COMMD10: variants seen among roughly 807,000 people sequenced by gnomAD.
COMMD10 encodes COMM domain containing 10.
COMMD10 carries 33 observed loss-of-function variants against 28.9 expected under a neutral mutation model. The ratio of observed to expected loss-of-function variants is 1.14; its 90% CI spans 0.87 to 1.53. COMMD10 has a LOEUF of 1.53. Ranked by LOEUF, COMMD10 falls within the 40% of genes most tolerant of loss-of-function variation. The probability of loss-of-function intolerance (pLI) is 0.00; values close to 1 mark genes in which losing one functional copy is unlikely to be tolerated. For synonymous variants in COMMD10, 110 were observed against 81.7 expected, an observed-to-expected ratio of 1.35 and a Z score of -1.87; for missense variants, 310 against 233.4, an observed-to-expected ratio of 1.33 and a Z score of -2.14.
At chr5:116,163,404 G>T (rs1309321138) in intron 5 of COMMD10, among the ~76,000 whole-genome samples, 1 of 135,314 alleles carries the variant, frequency 7.4e-6, no homozygotes, top group East Asian at 2.1e-4. Context: ...GGCCAACATG[G>T]TGAAACCCCA....
intron 5 of COMMD10, among the ~76,000 whole-genome samples, chr5:116,274,711 C>T (rs1436274195): frequency 6.6e-6 from 1 of 151,762 alleles, no homozygotes; most frequent in African/African-American, 2.4e-5. Context: ...ATCAATCTGT[C>T]CTTAAAATTT....
chr5:116,288,833 T>A lies in COMMD10; in HGVS notation c.511-2684T>A, dbSNP rs572342480. Among the ~76,000 whole-genome samples the A allele has an allele frequency of 1.5e-4, 23 of 151,060 alleles. 1 individual carries two copies. Among genetic ancestry groups the A allele is most frequent in the African/African-American group, 5.6e-4 (23 of 41,102 alleles). ...TTGATGTTCTCGTTTTGTTCATGTA[T>A]CATTTTCCTGATTGTTTTCAATTGT... is the stretch of plus-strand genomic sequence containing the variant. On this transcript the variant is annotated intron_variant, in intron 5 of 6. Coordinates refer to ENST00000274458, the MANE Select transcript of COMMD10 (RefSeq NM_016144.4).
chr5:116,087,557 C>G lies in COMMD10; in HGVS notation c.102C>G (p.Leu34=), dbSNP rs370748142. 6.8e-6 allele frequency: 11 copies of G among 1,611,566 alleles called. No homozygotes were observed. In the African/African-American group the frequency reaches 1.2e-4, roughly 18 times the overall value. ...AIDTGRFPRL[L]TRILQKLHLK... ...ATACAGGAAGATTTCCACGGTTGCT[C>G]ACTCGGATTCTTCAAAAACTTCACC... Residue 34 remains leucine (L), a synonymous_variant, in exon 2 of 7, where the codon CTC becomes CTG. Coordinates refer to ENST00000274458, the MANE Select transcript of COMMD10 (RefSeq NM_016144.4).
At chr5:116,237,007 G>T (rs1580571707) in intron 5 of COMMD10, among the ~76,000 whole-genome samples, 1 of 152,026 alleles carries the variant, frequency 6.6e-6, no homozygotes. Context: ...ATGTATTGGG[G>T]TGGGGGTATG....
intron 5 of COMMD10, among the ~76,000 whole-genome samples, chr5:116,180,050 G>A (rs1165500794): frequency 6.6e-6 from 1 of 152,072 alleles, no homozygotes; most frequent in African/African-American, 2.4e-5. Context: ...TTATTACTCA[G>A]TATTAAAGCT....
intron 6 of COMMD10, 139 bp from the exon 7 acceptor site, chr5:116,292,312 T>G: frequency 2.2e-6 from 1 of 449,494 alleles, no homozygotes; most frequent in Non-Finnish European, 3.9e-6. Flanking sequence ...GTGGTAATTT[T>G]ATTGCTATGT....
At chr5:116,085,159 G>T in intron 1 of COMMD10, 66 bp downstream of exon 1, 6 of 1,494,940 alleles carry the variant, frequency 4.0e-6, no homozygotes, top group Non-Finnish European at 5.4e-6. Flanking sequence ...CTCGCACAAG[G>T]CTGTCCTTGC....
chr5:116,289,802 G>A (rs1751318439), intron 5 of COMMD10, among the ~76,000 whole-genome samples: 4 of 151,728 alleles, frequency 2.6e-5, no homozygotes, highest in Admixed American at 2.6e-4. Context: ...TAATGGTGTG[G>A]GTGCTGTAGC....
intron 5 of COMMD10, among the ~76,000 whole-genome samples, chr5:116,271,245 A>C (rs115058773): frequency 0.028 from 4,178 of 147,384 alleles, 249 homozygotes; most frequent in African/African-American, 0.099. Flanking sequence ...GATAGTAAAA[A>C]CAATTTTTTT....
At chr5:116,147,962 C>G (rs1179277924) in intron 5 of COMMD10, among the ~76,000 whole-genome samples, 8 of 151,848 alleles carry the variant, frequency 5.3e-5, no homozygotes, top group Non-Finnish European at 1.2e-4. Flanking sequence ...AGTACATGAG[C>G]TTCTACTCAG....
chr5:116,186,966 TAATAATTTCA>T (rs1304237493), intron 5 of COMMD10, among the ~76,000 whole-genome samples: 1 of 152,196 alleles, frequency 6.6e-6, no homozygotes, highest in Non-Finnish European at 1.5e-5. Flanking sequence ...TAGAAATATG[TAATAATTTCA>T]AATACTAGGA....
chr5:116,267,170 G>C (rs1561400279), intron 5 of COMMD10, among the ~76,000 whole-genome samples: 1 of 151,924 alleles, frequency 6.6e-6, no homozygotes, highest in Non-Finnish European at 1.5e-5. Flanking sequence ...CCTGTTTGCA[G>C]ATGACATGAT....
At chr5:116,227,867 C>T (rs1296301295) in intron 5 of COMMD10, among the ~76,000 whole-genome samples, 3 of 152,046 alleles carry the variant, frequency 2.0e-5, no homozygotes. Context: ...CAGTGGGAAC[C>T]AGACATCGTG....
intron 5 of COMMD10, among the ~76,000 whole-genome samples, chr5:116,242,388 G>A (rs1356955700): frequency 6.6e-6 from 1 of 152,146 alleles, no homozygotes; most frequent in African/African-American, 2.4e-5. Flanking sequence ...TTTAACACAT[G>A]TTTATAGATG....
chr5:116,156,793 A>G (rs760462133), intron 5 of COMMD10, among the ~76,000 whole-genome samples: 5 of 152,086 alleles, frequency 3.3e-5, no homozygotes, highest in South Asian at 4.1e-4. Flanking sequence ...GTCCCAGACT[A>G]TATTGTATTT....
chr5:116,216,338 A>G (rs1453092350), intron 5 of COMMD10, among the ~76,000 whole-genome samples: 1 of 152,220 alleles, frequency 6.6e-6, no homozygotes, highest in East Asian at 1.9e-4. Flanking sequence ...GCATGTATAC[A>G]GTACTTATAT....
At chr5:116,153,318 C>A (rs1275874796) in intron 5 of COMMD10, among the ~76,000 whole-genome samples, 1 of 151,782 alleles carries the variant, frequency 6.6e-6, no homozygotes, top group African/African-American at 2.4e-5. Flanking sequence ...CATTTGGAGG[C>A]TGAGGGGGCA....
At chr5:116,218,212 C>G (rs1749154658) in intron 5 of COMMD10, 1 of 765,630 alleles carries the variant, frequency 1.3e-6, no homozygotes, top group South Asian at 1.3e-5. Flanking sequence ...GTTTAGCGGA[C>G]AACCTTGCAG....
intron 5 of COMMD10, among the ~76,000 whole-genome samples, chr5:116,237,112 T>C (rs1561680497): frequency 6.6e-6 from 1 of 152,084 alleles, no homozygotes; most frequent in East Asian, 1.9e-4. Flanking sequence ...GAATGAAGAA[T>C]GTTACGGGCA....
Sources: allele counts gnomAD v4.1 joint callset (sites outside exome capture counted in the v4.1 genomes callset), GRCh38; gene constraint gnomAD v4.1.1; transcripts MANE v1.5; gene names NCBI Gene and HGNC (gene_info 2026-07-23, HGNC 2026-07-21).